The following GLT1D1 variants were observed in gnomAD, a reference collection of about 807,000 sequenced individuals.
GLT1D1 encodes the protein glycosyltransferase 1 domain-containing protein 1.
Under a neutral mutation model 28.7 loss-of-function variants are expected in GLT1D1, and 21 were observed. That is an observed-to-expected ratio of 0.73 (90% CI 0.52 to 1.05). The LOEUF is 1.05. Among genes scored for constraint, GLT1D1 ranks in the 50% least tolerant of loss-of-function variants. The pLI is 0.00. For missense variants in GLT1D1, 343 were observed against 330.6 expected, an observed-to-expected ratio of 1.04 and a Z score of -0.29; for synonymous variants, 147 against 124.8, an observed-to-expected ratio of 1.18 and a Z score of -1.19.
At chr12:128,870,180 G>A (rs1336651838) in intron 1 of GLT1D1, among the ~76,000 whole-genome samples, 1 of 151,970 alleles carries the variant, frequency 6.6e-6, no homozygotes, top group Non-Finnish European at 1.5e-5. Context: ...TGGGATTACG[G>A]TCACTCCAGC....
At chr12:128,894,325 G>A (rs1869393537) in intron 3 of GLT1D1, among the ~76,000 whole-genome samples, 1 of 152,154 alleles carries the variant, frequency 6.6e-6, no homozygotes, top group Non-Finnish European at 1.5e-5. Flanking sequence ...ACAGACAGGG[G>A]AAGTGGGGCC....
At chr12:128,897,629 T>C (rs1184993492) in intron 3 of GLT1D1, among the ~76,000 whole-genome samples, 1 of 152,210 alleles carries the variant, frequency 6.6e-6, no homozygotes, top group Non-Finnish European at 1.5e-5. Flanking sequence ...ACTTTTTCCA[T>C]GTATTTAACC....
At chr12:128,864,863 C>T (rs565591839) in intron 1 of GLT1D1, among the ~76,000 whole-genome samples, 1 of 152,006 alleles carries the variant, frequency 6.6e-6, no homozygotes, top group African/African-American at 2.4e-5. Flanking sequence ...GAGGGGTGGG[C>T]ATGGTGGGGG....
At position 128,901,202 on chromosome 12, in the gene GLT1D1, C is replaced by T. The variant is rs575960168; in HGVS notation, c.375+1915C>T. 2.6e-5 allele frequency among the ~76,000 whole-genome samples: 4 copies of T among 152,334 alleles called. No homozygotes were observed. In the South Asian group the frequency reaches 8.3e-4, roughly 32 times the overall value. On this transcript the variant is annotated intron_variant, in intron 4 of 7. Coordinates refer to ENST00000281703, the MANE Select transcript of GLT1D1 (RefSeq NM_144669.3). ...TTCGCTGATTAGTCACCACCACCCA[C>T]TTAAGCCAGTTTCACTTAAAAATGT...
chr12:128,919,411 G>A (rs574068115), intron 4 of GLT1D1, among the ~76,000 whole-genome samples: 1 of 152,202 alleles, frequency 6.6e-6, no homozygotes, highest in South Asian at 2.1e-4. Context: ...AGTCACCAGG[G>A]TGTGTAGTGT....
chr12:128,904,738 A>T, intron 4 of GLT1D1, among the ~76,000 whole-genome samples: 1 of 149,342 alleles, frequency 6.7e-6, no homozygotes, highest in East Asian at 1.9e-4. Flanking sequence ...GATTCAAGCG[A>T]TTCTCCTGCC....
At chr12:128,950,015 C>T (rs552797801) in intron 6 of GLT1D1, among the ~76,000 whole-genome samples, 15 of 152,244 alleles carry the variant, frequency 9.9e-5, no homozygotes, top group East Asian at 7.7e-4. Context: ...AAGGCAGCTG[C>T]GACTCTGTGT....
rs924586947 is a variant in GLT1D1, at chr12:128,939,839, C to CG, written c.376-5487_376-5486insG. Among the ~76,000 whole-genome samples, 49 of 141,006 alleles carry CG rather than the reference C, an allele frequency of 3.5e-4. 2 individuals are homozygous for CG. Among genetic ancestry groups the CG allele is most frequent in the African/African-American group, 1.2e-3 (42 of 36,438 alleles). The allele number at this position is 141,006 out of a possible 152,430, so 92.5% of individuals were successfully genotyped here. Reference sequence around the variant, plus strand: ...GGGATGTTGCCAAATTGTTAGAAACCCCCCCCCACCGCCGATCCAATCACC... The same window carrying CG: ...GGGATGTTGCCAAATTGTTAGAAACCGCCCCCCCACCGCCGATCCAATCACC... On this transcript the variant is annotated intron_variant, in intron 4 of 7. Transcript: ENST00000281703.
Position 128,853,605 on chromosome 12 carries a change from G to A in GLT1D1, c.24G>A (p.Val8=). The change falls in exon 1 of 8, where the codon GTG becomes GTA. Residue 8 remains valine (V), a synonymous_variant. Coordinates refer to ENST00000281703, the MANE Select transcript of GLT1D1 (RefSeq NM_144669.3). ...GCATGCGGCTCCTGTTCCTGGCGGT[G>A]CTGCGGCCACACACCGGCAACGCGG... 2 of 1,175,932 alleles carry A rather than the reference G, an allele frequency of 1.7e-6. No individual in the cohort carries two copies. Among genetic ancestry groups the A allele is most frequent in the Non-Finnish European group, 1.1e-6 (1 of 940,180 alleles). 72.8% of individuals were successfully genotyped at this position (1,175,932 alleles called of 1,614,324 possible).
chr12:128,923,935 T>C (rs1593138070), intron 4 of GLT1D1, among the ~76,000 whole-genome samples: 1 of 151,846 alleles, frequency 6.6e-6, no homozygotes, highest in Non-Finnish European at 1.5e-5. Flanking sequence ...ACATATTTTC[T>C]CATTAAAAAA....
intron 4 of GLT1D1, among the ~76,000 whole-genome samples, chr12:128,920,224 C>CT (rs568138004): frequency 5.2e-4 from 79 of 151,396 alleles, no homozygotes; most frequent in Non-Finnish European, 6.8e-4. Context: ...GACTGAAGTA[C>CT]TTTTTTTTTG....
chr12:128,937,853 G>C (rs1874722202), intron 4 of GLT1D1, among the ~76,000 whole-genome samples: 1 of 152,134 alleles, frequency 6.6e-6, no homozygotes, highest in Non-Finnish European at 1.5e-5. Flanking sequence ...AGTTTCCAGA[G>C]GCCTCCCCAG....
chr12:128,980,273 A>G (rs1880195875), intron 7 of GLT1D1, among the ~76,000 whole-genome samples: 1 of 152,180 alleles, frequency 6.6e-6, no homozygotes, highest in Non-Finnish European at 1.5e-5. Flanking sequence ...ACAGGCTCGG[A>G]CAAATCAGGA....
chr12:128,863,566 C>T (rs1006005618), intron 1 of GLT1D1, among the ~76,000 whole-genome samples: 2 of 151,952 alleles, frequency 1.3e-5, no homozygotes, highest in South Asian at 2.1e-4. Context: ...TAAATAGAGA[C>T]GGGGTTTCAC....
At chr12:128,930,940 T>C (rs2135926044) in intron 4 of GLT1D1, among the ~76,000 whole-genome samples, 1 of 152,172 alleles carries the variant, frequency 6.6e-6, no homozygotes, top group African/African-American at 2.4e-5. Flanking sequence ...GTTGTTTTCA[T>C]ATGAAGCAAT....
rs553472533 is a variant in GLT1D1, at chr12:128,873,871, C to T, written c.69-2043C>T. ...CCTTCCCTCCCTCCCTCCCTCCCTC[C>T]TTCCTTCCTTCCTCTCTCTTGCTCC... On this transcript the variant is annotated intron_variant, in intron 1 of 7. Transcript: ENST00000281703. Among the ~76,000 whole-genome samples the T allele has an allele frequency of 1.3e-4, 16 of 125,662 alleles. No homozygotes were observed. In the South Asian group the frequency reaches 1.7e-3, roughly 13 times the overall value. 82.4% of individuals were successfully genotyped at this position (125,662 alleles called of 152,430 possible).
chr12:128,923,058 A>C (rs575203327), intron 4 of GLT1D1, among the ~76,000 whole-genome samples: 2 of 152,276 alleles, frequency 1.3e-5, no homozygotes, highest in East Asian at 3.9e-4. Flanking sequence ...TCTAAGAGCG[A>C]CATCTCGATC....
intron 1 of GLT1D1, among the ~76,000 whole-genome samples, chr12:128,869,123 C>A (rs1185567928): frequency 6.6e-6 from 1 of 152,214 alleles, no homozygotes; most frequent in African/African-American, 2.4e-5. Flanking sequence ...CCCGCCTTGG[C>A]CTCCCAGAGT....
At chr12:128,897,910 G>A (rs553266571) in intron 3 of GLT1D1, among the ~76,000 whole-genome samples, 118 of 152,184 alleles carry the variant, frequency 7.8e-4, no homozygotes, top group African/African-American at 2.7e-3. Context: ...CTTGTGATCC[G>A]CCCGCCTTGG....
Sources: allele counts gnomAD v4.1 joint callset (sites outside exome capture counted in the v4.1 genomes callset), GRCh38; gene constraint gnomAD v4.1.1; transcripts MANE v1.5; gene names NCBI Gene and HGNC (gene_info 2026-07-23, HGNC 2026-07-21).